The following DEFB4B variants were observed in gnomAD, a reference collection of about 807,000 sequenced individuals.
DEFB4B encodes the protein defensin beta 4B.
chr8:7,415,856 T>G (rs1174850616), intron 1 of DEFB4B, among the ~76,000 whole-genome samples: 6 of 148,560 alleles, frequency 4.0e-5, no homozygotes, highest in African/African-American at 1.5e-4. Flanking sequence ...CCCATTGTTC[T>G]CACAAAACCC....
At chr8:7,416,163 CAG>C (rs1459305449) in intron 1 of DEFB4B, among the ~76,000 whole-genome samples, 1 of 150,960 alleles carries the variant, frequency 6.6e-6, no homozygotes, top group East Asian at 1.9e-4. Flanking sequence ...GTCCTGGGGG[CAG>C]AGTGTCTGCT....
intron 1 of DEFB4B, among the ~76,000 whole-genome samples, chr8:7,415,425 C>T (rs1190399756): frequency 6.6e-6 from 1 of 151,354 alleles, no homozygotes; most frequent in African/African-American, 2.4e-5. Context: ...GAATTCAGCT[C>T]CACCACAAGA....
chr8:7,416,232 G>C (rs1306668216), intron 1 of DEFB4B, among the ~76,000 whole-genome samples: 2 of 151,644 alleles, frequency 1.3e-5, no homozygotes, highest in Non-Finnish European at 2.9e-5. Flanking sequence ...TCTCTAGGTT[G>C]CAGTATCTAC....
At chr8:7,415,451 C>T (rs1275603849) in intron 1 of DEFB4B, among the ~76,000 whole-genome samples, 10 of 151,292 alleles carry the variant, frequency 6.6e-5, no homozygotes, top group Non-Finnish European at 1.5e-4. Flanking sequence ...ATATCAAAGC[C>T]ACCATACCTC....
intron 1 of DEFB4B, among the ~76,000 whole-genome samples, 164 bp downstream of exon 1, chr8:7,416,606 G>A (rs1231322633): frequency 6.8e-6 from 1 of 147,964 alleles, no homozygotes; most frequent in African/African-American, 2.5e-5. Context: ...GAGAGAGAGG[G>A]AAGAAGAGAG....
At chr8:7,415,353 C>G (rs1280181817) in intron 1 of DEFB4B, among the ~76,000 whole-genome samples, 2 of 151,136 alleles carry the variant, frequency 1.3e-5, no homozygotes, top group African/African-American at 2.4e-5. Context: ...AGACCCTGAT[C>G]TCTCCTGAGT....
At chr8:7,415,864 C>T (rs1361338439) in intron 1 of DEFB4B, among the ~76,000 whole-genome samples, 255 of 148,230 alleles carry the variant, frequency 1.7e-3, no homozygotes, top group Admixed American at 0.015. Flanking sequence ...TCTCACAAAA[C>T]CCAGGACTCA....
chr8:7,415,346 C>T (rs576974127), intron 1 of DEFB4B, among the ~76,000 whole-genome samples: 1 of 151,136 alleles, frequency 6.6e-6, no homozygotes, highest in East Asian at 1.9e-4. Flanking sequence ...TTGTGAAAGA[C>T]CCTGATCTCT....
chr8:7,416,558 T>C (rs1450097238), intron 1 of DEFB4B, among the ~76,000 whole-genome samples: 2 of 148,238 alleles, frequency 1.3e-5, no homozygotes, highest in Admixed American at 6.8e-5. Flanking sequence ...AAGAAAGACA[T>C]GCTCTAGGGA....
chr8:7,416,214 T>C (rs1176860218), intron 1 of DEFB4B, among the ~76,000 whole-genome samples: 2 of 151,508 alleles, frequency 1.3e-5, no homozygotes, highest in Admixed American at 6.6e-5. Flanking sequence ...CTTAAGATTA[T>C]CTGGAATTCT....
chr8:7,415,588 G>A (rs1391950334), intron 1 of DEFB4B, among the ~76,000 whole-genome samples: 2 of 151,414 alleles, frequency 1.3e-5, no homozygotes, highest in Admixed American at 6.6e-5. Flanking sequence ...TTAACACCAA[G>A]TAACTTACAG....
At chr8:7,415,511 G>C (rs1313031675) in intron 1 of DEFB4B, among the ~76,000 whole-genome samples, 1 of 151,426 alleles carries the variant, frequency 6.6e-6, no homozygotes, top group South Asian at 2.1e-4. Flanking sequence ...AAATCATTTA[G>C]TCTGTTAAGT....
At chr8:7,415,703 C>CCCTCCCTCCCTCCCTCCCTA in intron 1 of DEFB4B, among the ~76,000 whole-genome samples, 1 of 113,774 alleles carries the variant, frequency 8.8e-6, no homozygotes, top group East Asian at 3.1e-4. Context: ...CTCCCTCCCT[C>CCCTCCCTCCCTCCCTCCCTA]CCTCCCTCCC....
At chr8:7,416,404 G>A (rs1368185043) in intron 1 of DEFB4B, among the ~76,000 whole-genome samples, 1 of 151,790 alleles carries the variant, frequency 6.6e-6, no homozygotes, top group East Asian at 1.9e-4. Context: ...ACAAGCTACT[G>A]GGCTCCTTCA....
At chr8:7,416,332 T>C (rs1318090052) in intron 1 of DEFB4B, among the ~76,000 whole-genome samples, 1 of 151,760 alleles carries the variant, frequency 6.6e-6, no homozygotes, top group Admixed American at 6.6e-5. Context: ...AAAAGTCACC[T>C]AACAGGTTTC....
intron 1 of DEFB4B, among the ~76,000 whole-genome samples, chr8:7,415,640 C>A (rs142895509): frequency 7.4e-5 from 11 of 149,242 alleles, no homozygotes; most frequent in African/African-American, 2.5e-4. Context: ...TTTGTAATGG[C>A]TTGTTTCTAA....
intron 1 of DEFB4B, among the ~76,000 whole-genome samples, chr8:7,416,280 C>T (rs1279474916): frequency 6.6e-6 from 1 of 151,690 alleles, no homozygotes; most frequent in Non-Finnish European, 1.5e-5. Flanking sequence ...ACATTCTATA[C>T]TACTTTCTTT....
chr8:7,416,584 GAC>G, intron 1 of DEFB4B, among the ~76,000 whole-genome samples, 184 bp downstream of exon 1: 1 of 146,254 alleles, frequency 6.8e-6, no homozygotes, highest in East Asian at 2.0e-4. Context: ...GAAAAAGAAA[GAC>G]AGAAAAAAAG....
intron 1 of DEFB4B, among the ~76,000 whole-genome samples, chr8:7,416,410 C>G (rs1808863244): frequency 1.3e-5 from 2 of 151,792 alleles, no homozygotes; most frequent in African/African-American, 4.9e-5. Flanking sequence ...TACTGGGCTC[C>G]TTCATATTGG....
Sources: allele counts gnomAD v4.1 joint callset (sites outside exome capture counted in the v4.1 genomes callset), GRCh38; gene constraint gnomAD v4.1.1; transcripts MANE v1.5; gene names NCBI Gene and HGNC (gene_info 2026-07-23, HGNC 2026-07-21).